Variants in FSD1L observed in about 807,000 individuals in gnomAD.
FSD1L encodes fibronectin type III and SPRY domain containing 1 like.
A neutral mutation model predicts 71.6 loss-of-function variants in FSD1L; 45 were observed. The ratio of observed to expected loss-of-function variants is 0.63; its 90% CI spans 0.49 to 0.81. FSD1L has a LOEUF of 0.81. Among genes scored for constraint, FSD1L ranks in the 30% least tolerant of loss-of-function variants. FSD1L has a pLI of 0.00. For missense variants in FSD1L, 561 were observed against 618.1 expected (o/e 0.91, Z 0.98); for synonymous variants, 197 against 207.2 (o/e 0.95, Z 0.42).
chr9:105,508,563 G>T (rs2131366096), intron 8 of FSD1L, 54 bp from the exon 9 acceptor site: 1 of 999,822 alleles, frequency 1.0e-6, no homozygotes, highest in Non-Finnish European at 1.5e-6. Context: ...TCTTACTTTT[G>T]GGAATAGAAT....
rs549976569 is a variant in FSD1L at position 105,536,151 on chromosome 9, G to C, written c.1378+833G>C. On this transcript the variant is annotated intron_variant, in intron 12 of 13. Coordinates refer to ENST00000481272, the MANE Select transcript of FSD1L (RefSeq NM_001145313.3). Reference sequence around the variant, plus strand: ...TATGTGCCTGAAGAACTTTTAATGTGAAGTTTACTGTCTTAGAAAGCAGCC... The same window carrying C: ...TATGTGCCTGAAGAACTTTTAATGTCAAGTTTACTGTCTTAGAAAGCAGCC... 9.2e-5 allele frequency among the ~76,000 whole-genome samples: 14 copies of C among 152,318 alleles called. No individual in the cohort carries two copies. In the South Asian group the frequency reaches 2.9e-3, roughly 32 times the overall value.
At chr9:105,513,298 C>T (rs1834504516) in intron 10 of FSD1L, among the ~76,000 whole-genome samples, 1 of 152,082 alleles carries the variant, frequency 6.6e-6, no homozygotes, top group South Asian at 2.1e-4. Context: ...TAAATGACAG[C>T]GTTTAATAGG....
intron 7 of FSD1L, 135 bp from the exon 8 acceptor site, chr9:105,506,264 A>T: frequency 1.5e-6 from 1 of 645,294 alleles, no homozygotes; most frequent in Non-Finnish European, 2.6e-6. Context: ...CCTTTTGCTT[A>T]ATCTGATCTA....
intron 1 of FSD1L, among the ~76,000 whole-genome samples, chr9:105,452,669 G>GCCTGCCTGCCTGCCTTCCTTCCTT (rs1191519308): frequency 1.0e-3 from 97 of 96,198 alleles, no homozygotes; most frequent in African/African-American, 3.9e-3. Flanking sequence ...CTGCCTGCCT[G>GCCTGCCTGCCTGCCTTCCTTCCTT]CCTTCCTTCC....
At chr9:105,530,702 A>G (rs1564145137) in intron 10 of FSD1L, 20 of 517,590 alleles carry the variant, frequency 3.9e-5, no homozygotes, top group Non-Finnish European at 6.5e-5. Context: ...GGGGAGGCAA[A>G]CTATCAGTGT....
intron 10 of FSD1L, chr9:105,520,263 G>A: frequency 1.3e-6 from 2 of 1,591,758 alleles, no homozygotes. Context: ...TGAAGAAGAT[G>A]CATTCATCCA....
At chr9:105,485,980 A>G (rs1458309971) in intron 7 of FSD1L, among the ~76,000 whole-genome samples, 2 of 152,034 alleles carry the variant, frequency 1.3e-5, no homozygotes, top group South Asian at 2.1e-4. Context: ...TGTTGATTAT[A>G]TGGAACCATT....
chr9:105,445,203 C>A (rs868807920), upstream of FSD1L, among the ~76,000 whole-genome samples: 7 of 152,228 alleles, frequency 4.6e-5, no homozygotes, highest in Middle Eastern at 3.4e-3. Context: ...AAGTCACAGT[C>A]AGAAGGAACT....
At chr9:105,539,415 A>C in intron 13 of FSD1L, 64 bp downstream of exon 13, 3 of 685,230 alleles carry the variant, frequency 4.4e-6, no homozygotes, top group Non-Finnish European at 7.1e-6. Flanking sequence ...CTTTAAGGAG[A>C]ATATTCTATA....
intron 10 of FSD1L, among the ~76,000 whole-genome samples, chr9:105,528,286 G>C (rs1017909872): frequency 6.6e-6 from 1 of 152,116 alleles, no homozygotes; most frequent in African/African-American, 2.4e-5. Context: ...ATTGGAAAAA[G>C]CTACTTTAAA....
At chr9:105,538,855 G>C (rs1343678541) in intron 12 of FSD1L, among the ~76,000 whole-genome samples, 1 of 152,164 alleles carries the variant, frequency 6.6e-6, no homozygotes, top group Non-Finnish European at 1.5e-5. Flanking sequence ...CAGGTAGATA[G>C]AAGACAAGGT....
intron 10 of FSD1L, chr9:105,524,758 T>A (rs558357433): frequency 6.2e-7 from 1 of 1,611,020 alleles, no homozygotes; most frequent in African/African-American, 1.3e-5. Flanking sequence ...CATGGATTAA[T>A]CTCTATAGCA....
chr9:105,476,307 C>T (rs1831798918), intron 5 of FSD1L, among the ~76,000 whole-genome samples: 1 of 152,118 alleles, frequency 6.6e-6, no homozygotes, highest in South Asian at 2.1e-4. Flanking sequence ...CTCATTGCCT[C>T]CCTCCATCTC....
At chr9:105,478,222 G>A (rs1003442330) in intron 5 of FSD1L, among the ~76,000 whole-genome samples, 1 of 152,154 alleles carries the variant, frequency 6.6e-6, no homozygotes, top group Non-Finnish European at 1.5e-5. Flanking sequence ...TCCAGCCTGG[G>A]CGACAGAACA....
intron 10 of FSD1L, among the ~76,000 whole-genome samples, chr9:105,519,093 G>C (rs932005354): frequency 6.6e-6 from 1 of 152,118 alleles, no homozygotes; most frequent in South Asian, 2.1e-4. Context: ...ACCCTCCCAA[G>C]TCTAAACCAG....
Position 105,512,928 on chromosome 9 carries a change from C to T in FSD1L, c.1017C>T (p.Asn339=). Residue 339 remains asparagine (N), a synonymous_variant, in exon 10 of 14, where the codon AAC becomes AAT. Coordinates refer to ENST00000481272, the MANE Select transcript of FSD1L (RefSeq NM_001145313.3). ...GQESKIKGKE[N]KGRSGTPSPK... ...AAAGTAAAATTAAAGGAAAAGAGAA[C>T]AAGGGCAGGTAAGCTAGACCATTAA... The T allele has an allele frequency of 1.3e-6, 2 of 1,533,984 alleles. No homozygotes were observed. Among genetic ancestry groups the T allele is most frequent in the Non-Finnish European group, 8.8e-7 (1 of 1,140,318 alleles).
rs1453683135 is a variant in FSD1L, at chr9:105,448,173, C to T, written c.-48C>T. The T allele has an allele frequency of 8.4e-6, 13 of 1,539,694 alleles. No homozygotes were observed. Among genetic ancestry groups the T allele is most frequent in the Middle Eastern group, 1.7e-4 (1 of 5,956 alleles). On this transcript the variant is annotated 5_prime_UTR_variant, in exon 1 of 14. Coordinates refer to ENST00000481272, the MANE Select transcript of FSD1L (RefSeq NM_001145313.3). Reference sequence around the variant, plus strand: ...TGTGCGATCTCGCTGAGCCTCCTCACACGGTTCGTCGTCTCGGGTTCGAGC... The same window carrying T: ...TGTGCGATCTCGCTGAGCCTCCTCATACGGTTCGTCGTCTCGGGTTCGAGC...
intron 10 of FSD1L, among the ~76,000 whole-genome samples, chr9:105,526,857 T>C (rs1372963752): frequency 4.6e-5 from 7 of 151,928 alleles, no homozygotes; most frequent in African/African-American, 1.5e-4. Flanking sequence ...CAAAATACAA[T>C]TGGACAATTA....
At chr9:105,488,334 C>G (rs1018725804) in intron 7 of FSD1L, among the ~76,000 whole-genome samples, 1 of 152,178 alleles carries the variant, frequency 6.6e-6, no homozygotes, top group Non-Finnish European at 1.5e-5. Flanking sequence ...TAAGTTTCCT[C>G]CATGTATATT....
Sources: gnomAD v4.1 joint callset for allele counts (sites outside exome capture counted in the v4.1 genomes callset) on GRCh38, gnomAD v4.1.1 for gene constraint, MANE v1.5 for transcripts, NCBI Gene and HGNC (gene_info 2026-07-23, HGNC 2026-07-21) for gene names.